STAG3: variants seen among roughly 807,000 people sequenced by gnomAD.
STAG3 encodes STAG3 cohesin complex component, also known as cohesin subunit SA-3.
STAG3 carries 101 observed loss-of-function variants against 160.7 expected under a neutral mutation model. That is an observed-to-expected ratio of 0.63 (90% CI 0.54 to 0.74). The LOEUF is 0.74. Among genes scored for constraint, STAG3 ranks in the 30% least tolerant of loss-of-function variants. The probability of loss-of-function intolerance (pLI) is 0.00; values close to 1 mark genes in which losing one functional copy is unlikely to be tolerated. For synonymous variants in STAG3, 519 were observed against 585.0 expected (o/e 0.89, Z 1.63); for missense variants, 1,188 against 1,517.4 (o/e 0.78, Z 3.61).
At chr7:100,180,700 C>T in intron 2 of STAG3, 28 bp downstream of exon 2, 2 of 1,362,792 alleles carry the variant, frequency 1.5e-6, no homozygotes, top group South Asian at 2.3e-5. Context: ...TGTGTGGCCA[C>T]TTCCTGTGTC....
downstream of STAG3, among the ~76,000 whole-genome samples, chr7:100,216,205 C>T (rs1446556192): frequency 1.3e-5 from 2 of 152,170 alleles, no homozygotes; most frequent in African/African-American, 2.4e-5. Flanking sequence ...ATGTAAAGCA[C>T]TCAGTCTGGA....
At chr7:100,184,332 C>T (rs58320697) in intron 4 of STAG3, among the ~76,000 whole-genome samples, 2 of 151,564 alleles carry the variant, frequency 1.3e-5, no homozygotes. Context: ...TTGGTACATT[C>T]GTTTTATCTT....
Position 100,189,483 on chromosome 7 carries a change from C to T in STAG3, c.754C>T (p.Gln252Ter), listed in dbSNP as rs137961014. The change falls in exon 8 of 34, where the codon CAA becomes TAA. Residue 252 changes from glutamine to a stop codon, truncating the protein, a stop_gained. Coordinates refer to ENST00000615138, the MANE Select transcript of STAG3 (RefSeq NM_001282717.2). LOFTEE classifies it high-confidence loss of function. Reference sequence around the variant, plus strand: ...GACCTCCCTGGTAAAAGTTGCCCTCCAACTGAGTGTGCACCAAGATAACAA... The same window carrying T: ...GACCTCCCTGGTAAAAGTTGCCCTCTAACTGAGTGTGCACCAAGATAACAA... The part of the protein sequence containing the change: ...LMTSLVKVAL[Q>*]LSVHQDNNQR... The T allele has an allele frequency of 6.2e-7, 1 of 1,614,032 alleles. No individual in the cohort carries two copies.
chr7:100,184,988 GTTT>G (rs1410065611), intron 4 of STAG3, among the ~76,000 whole-genome samples: 2 of 151,996 alleles, frequency 1.3e-5, no homozygotes, highest in Non-Finnish European at 2.9e-5. Flanking sequence ...CCAAAGCTGG[GTTT>G]TTAAGAAAGG....
chr7:100,204,213 C>G, intron 26 of STAG3, 91 bp downstream of exon 26: 2 of 987,916 alleles, frequency 2.0e-6, no homozygotes, highest in Non-Finnish European at 3.1e-6. Context: ...TCCTTCAGAG[C>G]AGTAACTTTT....
chr7:100,183,498 T>C (rs1799784960), intron 4 of STAG3, among the ~76,000 whole-genome samples: 1 of 152,256 alleles, frequency 6.6e-6, no homozygotes, highest in South Asian at 2.1e-4. Context: ...TTTTTCCTTG[T>C]TTCTTTTTTT....
At chr7:100,190,524 G>A (rs1370595400) in intron 8 of STAG3, among the ~76,000 whole-genome samples, 2 of 152,152 alleles carry the variant, frequency 1.3e-5, no homozygotes, top group African/African-American at 4.8e-5. Flanking sequence ...TTTAAATTAT[G>A]TACACTAGTG....
rs78633062 is a variant in STAG3 at position 100,204,424 on chromosome 7, T to C, written c.2803-203T>C. ...AGCCTCCTTCAGTTACTATAGACGT[T>C]TTTATTTAATGTTATGGAGTAGAGG... is the stretch of plus-strand genomic sequence containing the variant. On this transcript the variant is annotated intron_variant, in intron 26 of 33. Coordinates refer to ENST00000615138, the MANE Select transcript of STAG3 (RefSeq NM_001282717.2). Among the ~76,000 whole-genome samples the C allele has an allele frequency of 0.015, 2,289 of 152,298 alleles. 57 individuals carry two copies. Among genetic ancestry groups the C allele is most frequent in the African/African-American group, 0.052 (2,168 of 41,542 alleles).
At chr7:100,210,114 T>C (rs1802042003) in intron 29 of STAG3, among the ~76,000 whole-genome samples, 1 of 152,166 alleles carries the variant, frequency 6.6e-6, no homozygotes, top group African/African-American at 2.4e-5. Context: ...GGCCCAGCCC[T>C]CGGGCATCAC....
At chr7:100,190,939 C>T (rs567437737) in intron 8 of STAG3, among the ~76,000 whole-genome samples, 2 of 152,004 alleles carry the variant, frequency 1.3e-5, no homozygotes, top group African/African-American at 2.4e-5. Flanking sequence ...AAAATATGGA[C>T]ATATAGGTAC....
At chr7:100,211,637 G>A in intron 31 of STAG3, 98 bp downstream of exon 31, 1 of 1,480,506 alleles carries the variant, frequency 6.8e-7, no homozygotes, top group Non-Finnish European at 9.3e-7. Flanking sequence ...GGTGCTTTTT[G>A]GACTTGTTTT....
downstream of STAG3, chr7:100,219,259 T>G (rs760414223): frequency 6.4e-6 from 1 of 155,860 alleles, no homozygotes; most frequent in Non-Finnish European, 1.4e-5. Context: ...GGCAGAGGAC[T>G]GCTGTTTGCT....
At position 100,201,857 on chromosome 7, in the gene STAG3, T is replaced by C. The variant is rs768010902; in HGVS notation, c.2292T>C (p.Asp764=). 6.2e-7 allele frequency: 1 copy of C among 1,614,194 alleles called. No individual in the cohort carries two copies. The highest frequency in any genetic ancestry group is 1.1e-5 in the South Asian group (1 of 91,082). ...CACTAACCCACATTTCTAAATCAGA[T>C]GCTTCCCAGGTGAGTGTGGGTCTTA... is the stretch of plus-strand genomic sequence containing the variant. ...LWTLTHISKS[D]ASQKQLSSLR... The change falls in exon 22 of 34, where the codon GAT becomes GAC. Residue 764 remains aspartate (D), a synonymous_variant. Coordinates refer to ENST00000615138, the MANE Select transcript of STAG3 (RefSeq NM_001282717.2).
In STAG3 at chr7:100,200,909, C is replaced by T. The variant is rs1801071271; in HGVS notation, c.2001C>T (p.Arg667=). ...FTFFSRADFA[R]SQLVDLLTDR... ...TCTTCAGCCGGGCGGACTTTGCCCG[C>T]AGCCAGCTAGTAGATTTGCTGACTG... The change falls in exon 19 of 34, where the codon CGC becomes CGT. Residue 667 remains arginine, a synonymous_variant. Transcript: ENST00000615138. 6.2e-7 allele frequency: 1 copy of T among 1,614,238 alleles called. No homozygotes were observed. The highest frequency in any genetic ancestry group is 1.7e-5 in the Admixed American group (1 of 60,030).
At chr7:100,194,096 C>T (rs968973974) in intron 8 of STAG3, among the ~76,000 whole-genome samples, 3 of 151,794 alleles carry the variant, frequency 2.0e-5, no homozygotes, top group East Asian at 1.9e-4. Flanking sequence ...TATAGGTGCC[C>T]GCCACCGCAC....
Position 100,201,408 on chromosome 7 carries a change from A to G in STAG3, c.2220+57A>G, listed in dbSNP as rs946616317. 6.7e-6 allele frequency: 10 copies of G among 1,491,834 alleles called. 1 individual carries two copies. Among genetic ancestry groups the G allele is most frequent in the South Asian group, 3.4e-5 (3 of 88,510 alleles). The allele number at this position is 1,491,834 out of a possible 1,614,324, so 92.4% of individuals were successfully genotyped here. ...CTGGGGGGCTAGATTTTAAGGACCT[A>G]CGTTCTAGGTGGCCACTAGGTGTGT... is the stretch of plus-strand genomic sequence containing the variant. On this transcript the variant is annotated intron_variant, in intron 21 of 33. Coordinates refer to ENST00000615138, the MANE Select transcript of STAG3 (RefSeq NM_001282717.2).
At chr7:100,195,649 T>C (rs1800638923) in intron 9 of STAG3, among the ~76,000 whole-genome samples, 1 of 152,188 alleles carries the variant, frequency 6.6e-6, no homozygotes, top group Admixed American at 6.5e-5. Flanking sequence ...TTGCCCCAGA[T>C]CTGCCCCAAC....
chr7:100,215,988 T>C (rs1324335181), downstream of STAG3, among the ~76,000 whole-genome samples: 1 of 152,206 alleles, frequency 6.6e-6, no homozygotes, highest in African/African-American at 2.4e-5. Context: ...AGGCCACGTG[T>C]AGGTGTTCCT....
At chr7:100,188,080 CTTG>C (rs966276777) in intron 5 of STAG3, among the ~76,000 whole-genome samples, 15 of 152,136 alleles carry the variant, frequency 9.9e-5, no homozygotes, top group African/African-American at 3.1e-4. Context: ...TTAGGCCGTT[CTTG>C]TTGTGCTTCT....
Sources: allele counts gnomAD v4.1 joint callset (sites outside exome capture counted in the v4.1 genomes callset), GRCh38; gene constraint gnomAD v4.1.1; transcripts MANE v1.5; gene names NCBI Gene and HGNC (gene_info 2026-07-23, HGNC 2026-07-21).